ETFB: variants seen among roughly 807,000 people sequenced by gnomAD.
ETFB encodes the protein electron transfer flavoprotein subunit beta.
In ETFB, 20 loss-of-function variants were observed where a neutral mutation model predicts 25.6. The ratio of observed to expected loss-of-function variants is 0.78; its 90% CI spans 0.55 to 1.14. The LOEUF (loss-of-function observed/expected upper bound fraction) is 1.14, where lower values mean the gene tolerates loss of function less well. Among genes scored for constraint, ETFB ranks in the 50% most tolerant of loss-of-function variants. The probability of loss-of-function intolerance (pLI) is 0.00; values close to 1 mark genes in which losing one functional copy is unlikely to be tolerated. For synonymous variants in ETFB, 142 were observed against 146.7 expected (o/e 0.97, Z 0.23); for missense variants, 286 against 342.6 (o/e 0.83, Z 1.30).
chr19:51,353,263 C>T lies in ETFB; in HGVS notation c.244G>A (p.Gly82Ser). ...TCCACGTGGATACCTCGGTCTGCAC[C>T]CATGGCCAGGGCGGTACGAATCGTC... The part of the protein sequence containing the change: ...QETIRTALAM[G>S]ADRGIHVEVP... The change falls in exon 3 of 6, where the codon GGT becomes AGT. Residue 82 changes from glycine to serine, a missense_variant. Coordinates refer to ENST00000309244, the MANE Select transcript of ETFB (RefSeq NM_001985.3). The T allele has an allele frequency of 6.2e-7, 1 of 1,614,070 alleles. No individual in the cohort carries two copies.
At position 51,357,486 on chromosome 19, in the gene ETFB, C is replaced by CTTTTTTTT. The variant is rs199903123; in HGVS notation, c.58-3179_58-3178insAAAAAAAA. 2.1e-4 allele frequency among the ~76,000 whole-genome samples: 21 copies of CTTTTTTTT among 100,770 alleles called. 2 individuals are homozygous for CTTTTTTTT. The highest frequency in any genetic ancestry group is 2.6e-4 in the Non-Finnish European group (13 of 49,168). The allele number at this position is 100,770 out of a possible 152,430, so 66.1% of individuals were successfully genotyped here. On this transcript the variant is annotated intron_variant, in intron 1 of 5. Transcript: ENST00000309244. ...GCCCACCACAATCCTTTTTTTCTTTCTTTCTTTTTTTTTTTTTTTTTGAGA... is the reference window on the plus strand; with the variant it reads ...GCCCACCACAATCCTTTTTTTCTTTCTTTTTTTTTTTCTTTTTTTTTTTTTTTTTGAGA...
At chr19:51,353,744 C>T (rs1432015055) in intron 2 of ETFB, among the ~76,000 whole-genome samples, 1 of 127,912 alleles carries the variant, frequency 7.8e-6, no homozygotes, top group Admixed American at 7.3e-5. Flanking sequence ...TCCCTCAGAC[C>T]CAGGGGTCCA....
chr19:51,349,149 G>A (rs1156546660), intron 4 of ETFB, among the ~76,000 whole-genome samples: 1 of 152,142 alleles, frequency 6.6e-6, no homozygotes, highest in Non-Finnish European at 1.5e-5. Flanking sequence ...TTACCCCACT[G>A]TAGGCTAACG....
At chr19:51,345,471 C>G in intron 5 of ETFB, 90 bp from the exon 6 acceptor site, 1 of 1,324,132 alleles carries the variant, frequency 7.6e-7, no homozygotes, top group Non-Finnish European at 1.1e-6. Context: ...GCCTGCAGAC[C>G]AGTCCCATGG....
At chr19:51,365,653 C>T in intron 1 of ETFB, 1 of 160,008 alleles carries the variant, frequency 6.2e-6, no homozygotes, top group East Asian at 1.8e-4. Flanking sequence ...AGCACCCTCC[C>T]CCACCTCTTT....
At chr19:51,365,191 T>C (rs1986325583) in intron 1 of ETFB, 1 of 152,000 alleles carries the variant, frequency 6.6e-6, no homozygotes, top group Non-Finnish European at 1.5e-5. Flanking sequence ...CAAAACTCCG[T>C]CTCAAAAAAT....
At chr19:51,351,925 C>T (rs777384374) in intron 3 of ETFB, among the ~76,000 whole-genome samples, 24 of 152,154 alleles carry the variant, frequency 1.6e-4, no homozygotes, top group African/African-American at 5.3e-4. Flanking sequence ...TTCTCAGCCT[C>T]ATCCCTAATT....
intron 1 of ETFB, chr19:51,354,913 A>C: frequency 2.3e-6 from 1 of 431,722 alleles, no homozygotes. Context: ...CTCTGTGGGA[A>C]CTTGCACGGG....
chr19:51,363,202 A>C (rs1461725162), intron 1 of ETFB, among the ~76,000 whole-genome samples: 1 of 152,138 alleles, frequency 6.6e-6, no homozygotes, highest in East Asian at 1.9e-4. Flanking sequence ...TCAGGGAGTG[A>C]GCACGTGATT....
chr19:51,345,527 C>A, intron 5 of ETFB, 146 bp from the exon 6 acceptor site: 1 of 815,844 alleles, frequency 1.2e-6, no homozygotes, highest in South Asian at 1.5e-5. Flanking sequence ...CGCGAAACTT[C>A]TCACAGGGCC....
intron 3 of ETFB, among the ~76,000 whole-genome samples, chr19:51,351,757 C>G (rs1985938699): frequency 6.6e-6 from 1 of 152,152 alleles, no homozygotes; most frequent in Non-Finnish European, 1.5e-5. Flanking sequence ...GGCAGGACAC[C>G]CAGTGACCTA....
rs201298203 is a variant in ETFB, at chr19:51,345,407, A to C, written c.598-26T>G. ...CTGCACATGGGAAGCCATTGTTCACAGGGCTGTGGAACTCCTGCCACCCTT... is the reference window on the plus strand; with the variant it reads ...CTGCACATGGGAAGCCATTGTTCACCGGGCTGTGGAACTCCTGCCACCCTT... On this transcript the variant is annotated intron_variant, in intron 5 of 5. Transcript: ENST00000309244. The C allele has an allele frequency of 2.0e-5, 32 of 1,613,182 alleles. No homozygotes were observed. In the Admixed American group the frequency reaches 4.5e-4, roughly 23 times the overall value.
chr19:51,353,132 C>G lies in ETFB; in HGVS notation c.375G>C (p.Gln125His), dbSNP rs1173733121. The change falls in exon 3 of 6, where the codon CAG becomes CAC. Residue 125 changes from glutamine (Q) to histidine (H), a missense_variant and splice_region_variant. Coordinates refer to ENST00000309244, the MANE Select transcript of ETFB (RefSeq NM_001985.3). Reference sequence around the variant, plus strand: ...CACAGGGAGGGCTGACCACAGCTACCTGTTTGCCCAGCAGCACCAGGTCCA... The same window carrying G: ...CACAGGGAGGGCTGACCACAGCTACGTGTTTGCCCAGCAGCACCAGGTCCA... The part of the protein sequence containing the change: ...EKVDLVLLGK[Q>H]AIDDDCNQTG... 12 of 1,613,894 alleles carry G rather than the reference C, an allele frequency of 7.4e-6. No homozygotes were observed. Among genetic ancestry groups the G allele is most frequent in the South Asian group, 5.5e-5 (5 of 91,094 alleles).
At chr19:51,347,145 G>T in intron 4 of ETFB, 87 bp from the exon 5 acceptor site, 2 of 1,333,092 alleles carry the variant, frequency 1.5e-6, no homozygotes, top group Non-Finnish European at 2.1e-6. Context: ...CTGAGTACAC[G>T]CATGGACTAG....
chr19:51,350,509 G>C, intron 3 of ETFB, 118 bp from the exon 4 acceptor site: 1 of 662,866 alleles, frequency 1.5e-6, no homozygotes. Flanking sequence ...TTTTGAGACG[G>C]AGTCTTGCTC....
intron 1 of ETFB, chr19:51,355,733 A>G (rs1414885981): frequency 6.6e-6 from 1 of 152,092 alleles, no homozygotes; most frequent in Non-Finnish European, 1.5e-5. Flanking sequence ...AAAATGTGGC[A>G]CATATACACC....
chr19:51,359,139 C>A (rs976846626), intron 1 of ETFB, among the ~76,000 whole-genome samples: 3 of 152,082 alleles, frequency 2.0e-5, no homozygotes, highest in Non-Finnish European at 2.9e-5. Context: ...GCAACCTCCA[C>A]CTCCCGGGCT....
In ETFB at chr19:51,366,299, C is replaced by G. The variant is rs563834980; in HGVS notation, c.28G>C (p.Val10Leu). Residue 10 changes from valine (V) to leucine (L), a missense_variant, in exon 1 of 6, where the codon GTC (valine) becomes CTC (leucine). Val to Leu is a conservative substitution (Grantham distance 32). Transcript: ENST00000309244. The part of the protein sequence containing the change: MAELRVLVA[V>L]KRVIDYAVKI... Reference sequence around the variant, plus strand: ...ACGGCGTAGTCGATGACCCTCTTGACAGCTACGAGCACGCGCAGCTCCGCC... The same window carrying G: ...ACGGCGTAGTCGATGACCCTCTTGAGAGCTACGAGCACGCGCAGCTCCGCC... 6.2e-7 allele frequency: 1 copy of G among 1,613,782 alleles called. No individual in the cohort carries two copies. The highest frequency in any genetic ancestry group is 2.2e-5 in the East Asian group (1 of 44,870).
chr19:51,354,554 C>G lies in ETFB; in HGVS notation c.58-246G>C, dbSNP rs1269938706. ...CCAGGGACATCTGACTTGATCATCCCTACTGTTGTCACTGCTCCTCTCAGG... is the reference window on the plus strand; with the variant it reads ...CCAGGGACATCTGACTTGATCATCCGTACTGTTGTCACTGCTCCTCTCAGG... On this transcript the variant is annotated intron_variant, in intron 1 of 5. Coordinates refer to ENST00000309244, the MANE Select transcript of ETFB (RefSeq NM_001985.3). 1.9e-6 allele frequency: 3 copies of G among 1,614,224 alleles called. No individual in the cohort carries two copies. In the African/African-American group the frequency reaches 4.0e-5, roughly 22 times the overall value.
Sources: gnomAD v4.1 joint callset for allele counts (sites outside exome capture counted in the v4.1 genomes callset) on GRCh38, gnomAD v4.1.1 for gene constraint, MANE v1.5 for transcripts, NCBI Gene and HGNC (gene_info 2026-07-23, HGNC 2026-07-21) for gene names.